TYW1: variants seen among roughly 807,000 people sequenced by gnomAD.
TYW1 encodes the protein tRNA-yW synthesizing protein 1 homolog, also known as S-adenosyl-L-methionine-dependent tRNA 4-demethylwyosine synthase TYW1.
TYW1 carries 46 observed loss-of-function variants against 96.2 expected under a neutral mutation model. That is an observed-to-expected ratio of 0.48 (90% CI 0.38 to 0.61). The LOEUF (loss-of-function observed/expected upper bound fraction) is 0.61, where lower values mean the gene tolerates loss of function less well. TYW1 is among the 20% of genes least tolerant of loss of function. The pLI, the probability that TYW1 is intolerant of heterozygous loss-of-function variation, is 0.00. For missense variants in TYW1, 684 were observed against 909.6 expected, an observed-to-expected ratio of 0.75 and a Z score of 3.19; for synonymous variants, 274 against 323.0, an observed-to-expected ratio of 0.85 and a Z score of 1.63.
intron 13 of TYW1, among the ~76,000 whole-genome samples, chr7:67,160,239 G>A (rs969143628): frequency 6.6e-6 from 1 of 152,170 alleles, no homozygotes; most frequent in Admixed American, 6.5e-5. Context: ...TCCAGCCTGA[G>A]CCACAGAGCA....
chr7:67,113,774 A>G (rs1797504357), intron 12 of TYW1, among the ~76,000 whole-genome samples: 1 of 151,534 alleles, frequency 6.6e-6, no homozygotes, highest in Non-Finnish European at 1.5e-5. Context: ...AGTAGCTGGG[A>G]TTACAGGCGT....
intron 15 of TYW1, 118 bp downstream of exon 15, chr7:67,195,455 T>G (rs1800363191): frequency 4.1e-6 from 6 of 1,477,254 alleles, no homozygotes; most frequent in Non-Finnish European, 5.5e-6. Context: ...TTGCTACCTT[T>G]CCCAAAACAA....
At chr7:67,178,629 G>A (rs1435522587) in intron 13 of TYW1, among the ~76,000 whole-genome samples, 5 of 152,108 alleles carry the variant, frequency 3.3e-5, no homozygotes, top group African/African-American at 4.8e-5. Flanking sequence ...TAAACATGGA[G>A]CAACATAGGT....
At chr7:67,104,224 A>G (rs1223256086) in intron 12 of TYW1, among the ~76,000 whole-genome samples, 2 of 152,124 alleles carry the variant, frequency 1.3e-5, no homozygotes. Context: ...TCGCATTGCC[A>G]TAAGGAATTA....
chr7:67,134,717 C>T (rs1462217209), intron 13 of TYW1, among the ~76,000 whole-genome samples: 1 of 150,642 alleles, frequency 6.6e-6, no homozygotes, highest in Admixed American at 6.6e-5. Flanking sequence ...CTCCCAACCT[C>T]CCTCAACTGT....
At chr7:67,182,424 C>T (rs374074614) in intron 13 of TYW1, among the ~76,000 whole-genome samples, 8 of 152,172 alleles carry the variant, frequency 5.3e-5, no homozygotes, top group East Asian at 3.9e-4. Context: ...CTTAGCCAGG[C>T]GTGATGACGT....
intron 14 of TYW1, among the ~76,000 whole-genome samples, chr7:67,191,147 C>G (rs113832665): frequency 4.6e-5 from 7 of 152,138 alleles, no homozygotes; most frequent in African/African-American, 1.4e-4. Flanking sequence ...GAAAGAGAGA[C>G]AGACGGACGG....
chr7:67,015,740 A>T (rs1181884127), intron 5 of TYW1, among the ~76,000 whole-genome samples: 3 of 152,170 alleles, frequency 2.0e-5, no homozygotes, highest in Admixed American at 6.5e-5. Context: ...AGGCAGGCGG[A>T]TCACGAGGTC....
At chr7:67,137,613 T>C (rs573485649) in intron 13 of TYW1, among the ~76,000 whole-genome samples, 268 of 152,340 alleles carry the variant, frequency 1.8e-3, no homozygotes, top group South Asian at 0.012. Flanking sequence ...TTCAACACTA[T>C]GTGGCCAGTT....
rs189222290 is a variant in TYW1 at position 67,096,477 on chromosome 7, A to C, written c.1385-2064A>C. On this transcript the variant is annotated intron_variant, in intron 11 of 15. Coordinates refer to ENST00000359626, the MANE Select transcript of TYW1 (RefSeq NM_018264.4). ...CGCTTCTCCCCTAGGCCCAAGCTCCATGAGGAATCCCTATCCTGCAGAGAG... is the reference window on the plus strand; with the variant it reads ...CGCTTCTCCCCTAGGCCCAAGCTCCCTGAGGAATCCCTATCCTGCAGAGAG... Among the ~76,000 whole-genome samples, 336 of 152,344 alleles carry C rather than the reference A, an allele frequency of 2.2e-3. 3 individuals carry two copies. Among genetic ancestry groups the C allele is most frequent in the Non-Finnish European group, 3.9e-3 (266 of 68,032 alleles).
At chr7:67,132,950 T>G (rs1798129089) in intron 13 of TYW1, among the ~76,000 whole-genome samples, 1 of 152,148 alleles carries the variant, frequency 6.6e-6, no homozygotes, top group Non-Finnish European at 1.5e-5. Context: ...TGTGCACATG[T>G]GCAATAATTT....
chr7:67,152,414 G>A (rs189449916), intron 13 of TYW1, among the ~76,000 whole-genome samples: 22 of 152,038 alleles, frequency 1.4e-4, no homozygotes, highest in Admixed American at 7.2e-4. Context: ...CTCCTTTGGG[G>A]GTTTTAGAAG....
intron 9 of TYW1, among the ~76,000 whole-genome samples, chr7:67,058,178 C>T (rs566325663): frequency 1.3e-5 from 2 of 152,118 alleles, no homozygotes; most frequent in Non-Finnish European, 2.9e-5. Flanking sequence ...TCGTGATCTA[C>T]CCGCCTTGGC....
chr7:67,114,096 C>T (rs111534600), intron 12 of TYW1, among the ~76,000 whole-genome samples: 1 of 152,198 alleles, frequency 6.6e-6, no homozygotes, highest in Admixed American at 6.5e-5. Context: ...GCAGAGTGTG[C>T]CAGCTCGCTG....
At chr7:67,059,500 A>T (rs1489424207) in intron 9 of TYW1, among the ~76,000 whole-genome samples, 2 of 151,272 alleles carry the variant, frequency 1.3e-5, no homozygotes, top group Admixed American at 1.3e-4. Flanking sequence ...GGGTGACGGC[A>T]GTCTGAGGGT....
intron 15 of TYW1, among the ~76,000 whole-genome samples, chr7:67,197,930 C>T (rs1445428143): frequency 2.0e-5 from 3 of 150,092 alleles, no homozygotes; most frequent in East Asian, 1.9e-4. Flanking sequence ...CGTTCTCTCT[C>T]GTTCTCTCTC....
rs191919320 is a variant in TYW1 at position 67,036,581 on chromosome 7, A to G, written c.984+11559A>G. ...GTCAGGAGGGCCCCTTGCTGGGGCC[A>G]GGCTCCCAGACCCTCAAGGGAGAGG... is the stretch of plus-strand genomic sequence containing the variant. On this transcript the variant is annotated intron_variant, in intron 7 of 15. Coordinates refer to ENST00000359626, the MANE Select transcript of TYW1 (RefSeq NM_018264.4). Among the ~76,000 whole-genome samples, 151 of 152,340 alleles carry G rather than the reference A, an allele frequency of 9.9e-4. 1 individual carries two copies. The highest frequency in any genetic ancestry group is 3.3e-3 in the African/African-American group (138 of 41,580).
chr7:67,019,535 C>G (rs1270915409), intron 6 of TYW1, among the ~76,000 whole-genome samples: 1 of 152,268 alleles, frequency 6.6e-6, no homozygotes, highest in Non-Finnish European at 1.5e-5. Flanking sequence ...ACTATGTTGC[C>G]CAGGCTAGTC....
At chr7:67,047,046 T>G (rs545995342) in intron 7 of TYW1, among the ~76,000 whole-genome samples, 1 of 152,212 alleles carries the variant, frequency 6.6e-6, no homozygotes, top group East Asian at 1.9e-4. Flanking sequence ...TTATCTGGCC[T>G]TTGGGTTAAG....
Sources: gnomAD v4.1 joint callset for allele counts (sites outside exome capture counted in the v4.1 genomes callset) on GRCh38, gnomAD v4.1.1 for gene constraint, MANE v1.5 for transcripts, NCBI Gene and HGNC (gene_info 2026-07-23, HGNC 2026-07-21) for gene names.